Variants in KIF26B observed in about 807,000 individuals in gnomAD.
KIF26B encodes kinesin-like protein KIF26B.
In KIF26B, 63 loss-of-function variants were observed where a neutral mutation model predicts 151.2. The observed-to-expected ratio is 0.42, with a 90% CI of 0.34 to 0.51. The LOEUF (loss-of-function observed/expected upper bound fraction) is 0.51. Among genes scored for constraint, KIF26B ranks in the 20% least tolerant of loss-of-function variants. The pLI, the probability that KIF26B is intolerant of heterozygous loss-of-function variation, is 0.07. For missense variants in KIF26B, 2,813 were observed against 2,913.6 expected (o/e 0.97, Z 0.79); for synonymous variants, 1,357 against 1,262.1 (o/e 1.08, Z -1.59).
chr1:245,681,572 T>A (rs1024998512), intron 10 of KIF26B, among the ~76,000 whole-genome samples: 4 of 152,156 alleles, frequency 2.6e-5, no homozygotes, highest in Admixed American at 1.3e-4. Flanking sequence ...GGGATGCGCC[T>A]TCGGCCCATC....
At chr1:245,668,870 T>C (rs984968618) in intron 10 of KIF26B, among the ~76,000 whole-genome samples, 2 of 152,116 alleles carry the variant, frequency 1.3e-5, no homozygotes, top group South Asian at 2.1e-4. Context: ...TTTGTAGTTT[T>C]AGTAGAGATG....
In KIF26B at chr1:245,707,353, T is replaced by C. The variant is rs1558284782; in HGVS notation, c.*4747T>C. Reference sequence around the variant, plus strand: ...ATACCACACTCACACATCTATTCCATGCGTACCTAGAAATTACCTTCAACA... The same window carrying C: ...ATACCACACTCACACATCTATTCCACGCGTACCTAGAAATTACCTTCAACA... On this transcript the variant is annotated 3_prime_UTR_variant, in exon 15 of 15. Transcript: ENST00000407071. 1.3e-5 allele frequency: 2 copies of C among 152,302 alleles called. No homozygotes were observed. Among genetic ancestry groups the C allele is most frequent in the East Asian group, 3.9e-4 (2 of 5,178 alleles). The allele number at this position is 152,302 out of a possible 1,614,324, so 9.4% of individuals were successfully genotyped here. A position where few individuals can be genotyped will look rare whatever the true frequency, so the allele number is the denominator to read the frequency against.
Position 245,702,612 on chromosome 1 carries a change from C to G in KIF26B, c.*6C>G, listed in dbSNP as rs1353633358. The G allele has an allele frequency of 1.2e-6, 2 of 1,612,662 alleles. No homozygotes were observed. The highest frequency in any genetic ancestry group is 1.3e-5 in the African/African-American group (1 of 74,920). On this transcript the variant is annotated 3_prime_UTR_variant, in exon 15 of 15. Coordinates refer to ENST00000407071, the MANE Select transcript of KIF26B (RefSeq NM_018012.4). This position sits in a 1 kb window ranked among gnomAD's most constrained non-coding sequence, Gnocchi z 4.1. ...TCACCTCCAGGCGCCGGTAGATGAG[C>G]CAGACCCTTGTCCTAGTGGTCCCCC...
intron 2 of KIF26B, among the ~76,000 whole-genome samples, chr1:245,168,935 A>T (rs952685328): frequency 6.6e-6 from 1 of 152,166 alleles, no homozygotes; most frequent in Non-Finnish European, 1.5e-5. Flanking sequence ...TAAAATATCT[A>T]CTTCCTGGGG....
intron 3 of KIF26B, among the ~76,000 whole-genome samples, chr1:245,368,256 A>G (rs182859483): frequency 1.3e-3 from 204 of 152,284 alleles, no homozygotes; most frequent in Non-Finnish European, 1.5e-3. Flanking sequence ...AAGTTTCTCC[A>G]TAGAAATAAA....
intron 2 of KIF26B, among the ~76,000 whole-genome samples, chr1:245,354,687 C>G (rs1177154056): frequency 6.6e-6 from 1 of 152,204 alleles, no homozygotes; most frequent in Admixed American, 6.5e-5. Context: ...ACCCCATTGC[C>G]AGCTACAACG....
At position 245,685,904 on chromosome 1, in the gene KIF26B, T is replaced by C. The variant is rs773689120; in HGVS notation, c.2921T>C (p.Leu974Pro). 2 of 1,612,958 alleles carry C rather than the reference T, an allele frequency of 1.2e-6. No homozygotes were observed. Among genetic ancestry groups the C allele is most frequent in the East Asian group, 2.2e-5 (1 of 44,838 alleles). ...RLSQAAGASPLSESDKEDNGS... is the reference protein window; with the variant it reads ...RLSQAAGASPPSESDKEDNGS... Reference sequence around the variant, plus strand: ...AGCCAAGCAGCGGGGGCAAGCCCACTCTCTGAGTCTGATAAGGAAGATAAT... The same window carrying C: ...AGCCAAGCAGCGGGGGCAAGCCCACCCTCTGAGTCTGATAAGGAAGATAAT... Residue 974 changes from leucine (L) to proline (P), a missense_variant, in exon 12 of 15, where the codon CTC (leucine) becomes CCC (proline). By Grantham distance (98) the Leu-to-Pro change is moderately conservative. This residue lies in a region of KIF26B where 2,060 missense variants were observed against 2,088.6 expected (regional missense o/e 0.99). Transcript: ENST00000407071.
intron 4 of KIF26B, among the ~76,000 whole-genome samples, chr1:245,521,012 T>A (rs1355072113): frequency 6.6e-5 from 10 of 152,054 alleles, no homozygotes; most frequent in Admixed American, 6.6e-4. Context: ...TGGGGAATGC[T>A]TAAGAGGTTG....
At chr1:245,323,422 C>G (rs1219006790) in intron 2 of KIF26B, among the ~76,000 whole-genome samples, 3 of 152,182 alleles carry the variant, frequency 2.0e-5, no homozygotes, top group African/African-American at 7.2e-5. Flanking sequence ...ACAAAGGTCA[C>G]AATTTCAAGA....
chr1:245,418,594 T>C (rs746357586), intron 3 of KIF26B, among the ~76,000 whole-genome samples: 1 of 152,202 alleles, frequency 6.6e-6, no homozygotes, highest in Non-Finnish European at 1.5e-5. Flanking sequence ...TGCACTTGTA[T>C]TTAGTAGGTG....
chr1:245,474,692 C>T lies in KIF26B; in HGVS notation c.1166+54947C>T, dbSNP rs761674472. ...CCTCCCAAAGTGCTGGGATTACAGA[C>T]GTGAGCCACCGCACGCAGCCTCAAA... On this transcript the variant is annotated intron_variant, in intron 4 of 14. Coordinates refer to ENST00000407071, the MANE Select transcript of KIF26B (RefSeq NM_018012.4). Among the ~76,000 whole-genome samples the T allele has an allele frequency of 9.9e-5, 15 of 151,806 alleles. 1 individual carries two copies. Among genetic ancestry groups the T allele is most frequent in the African/African-American group, 1.4e-4 (6 of 41,416 alleles).
chr1:245,696,336 C>A (rs1171414081), intron 12 of KIF26B, among the ~76,000 whole-genome samples: 1 of 152,178 alleles, frequency 6.6e-6, no homozygotes, highest in Non-Finnish European at 1.5e-5. Flanking sequence ...AGCCTCCTGC[C>A]ATGATGACAT....
At chr1:245,583,512 C>T (rs147177809) in intron 5 of KIF26B, among the ~76,000 whole-genome samples, 45 of 152,288 alleles carry the variant, frequency 3.0e-4, no homozygotes, top group African/African-American at 9.4e-4. Flanking sequence ...GGGGGAAATT[C>T]ATTATATTCT....
At chr1:245,363,482 C>T (rs1054557536) in intron 2 of KIF26B, among the ~76,000 whole-genome samples, 1 of 152,216 alleles carries the variant, frequency 6.6e-6, no homozygotes, top group African/African-American at 2.4e-5. Flanking sequence ...AGGCATGAGC[C>T]ATCACGCCCG....
At chr1:245,627,217 G>C (rs1233149117) in intron 9 of KIF26B, among the ~76,000 whole-genome samples, 1 of 152,064 alleles carries the variant, frequency 6.6e-6, no homozygotes, top group Non-Finnish European at 1.5e-5. Context: ...TGTGTGCAAG[G>C]TTTTTCTCTG....
chr1:245,222,468 G>A (rs559308277), intron 2 of KIF26B, among the ~76,000 whole-genome samples: 5 of 152,076 alleles, frequency 3.3e-5, no homozygotes, highest in African/African-American at 7.2e-5. Context: ...AAACACTAAC[G>A]TATACTCTAG....
intron 2 of KIF26B, among the ~76,000 whole-genome samples, chr1:245,235,990 C>T (rs1458737045): frequency 2.7e-5 from 4 of 150,132 alleles, no homozygotes; most frequent in African/African-American, 9.8e-5. Context: ...AGGGCAGTGG[C>T]ACCATCTTGG....
At position 245,516,608 on chromosome 1, in the gene KIF26B, C is replaced by G. The variant is rs1479526994; in HGVS notation, c.1167-24159C>G. Among the ~76,000 whole-genome samples the G allele has an allele frequency of 1.3e-5, 2 of 152,066 alleles. No individual in the cohort carries two copies. Among genetic ancestry groups the G allele is most frequent in the Non-Finnish European group, 2.9e-5 (2 of 68,020 alleles). ...GACCCTGGGTGTCTCCACAAATGAA[C>G]CACCTGCTGTGTCTTGGTGGGGGTG... is the stretch of plus-strand genomic sequence containing the variant. On this transcript the variant is annotated intron_variant, in intron 4 of 14. Coordinates refer to ENST00000407071, the MANE Select transcript of KIF26B (RefSeq NM_018012.4). This position sits in a 1 kb window ranked among gnomAD's most constrained non-coding sequence, Gnocchi z 4.2.
intron 2 of KIF26B, among the ~76,000 whole-genome samples, chr1:245,350,393 C>G (rs1293825558): frequency 6.6e-6 from 1 of 152,182 alleles, no homozygotes; most frequent in African/African-American, 2.4e-5. Flanking sequence ...CACCATGAAA[C>G]CCTTCGACCT....
Sources: allele counts gnomAD v4.1 joint callset (sites outside exome capture counted in the v4.1 genomes callset), GRCh38; gene constraint gnomAD v4.1.1; regional missense constraint gnomAD v4.1.1; non-coding constraint Gnocchi (gnomAD v3.1); transcripts MANE v1.5; gene names NCBI Gene and HGNC (gene_info 2026-07-23, HGNC 2026-07-21).